RALGAPA2: variants seen among roughly 807,000 people sequenced by gnomAD.
The protein encoded by RALGAPA2 is Ral GTPase activating protein catalytic subunit alpha 2.
Under a neutral mutation model 230.4 loss-of-function variants are expected in RALGAPA2, and 139 were observed. The observed-to-expected ratio is 0.60, with a 90% confidence interval of 0.53 to 0.69. The LOEUF (loss-of-function observed/expected upper bound fraction) is 0.69, where lower values mean the gene tolerates loss of function less well. RALGAPA2 is among the 30% of genes least tolerant of loss of function. The probability of loss-of-function intolerance (pLI) is 0.00; values close to 1 mark genes in which losing one functional copy is unlikely to be tolerated. For missense variants in RALGAPA2, 2,163 were observed against 2,276.0 expected, an observed-to-expected ratio of 0.95 and a Z score of 1.01; for synonymous variants, 847 against 837.8, an observed-to-expected ratio of 1.01 and a Z score of -0.19.
chr20:20,624,292 A>T (rs967250167), intron 10 of RALGAPA2, among the ~76,000 whole-genome samples: 2 of 144,462 alleles, frequency 1.4e-5, no homozygotes, highest in Non-Finnish European at 3.0e-5. Flanking sequence ...GCACCACTGC[A>T]CTCCAGCCTG....
In RALGAPA2 at chr20:20,629,420, C is replaced by T. The variant is rs766761769; in HGVS notation, c.1176G>A (p.Gln392=). ...EEHRMVYEMV[Q]RILLSTRGYV... is the part of the protein sequence containing the mutation. ...AACCTCGTGTTGACAAGAGAATCCGCTGTACCATTTCATACACCATTCGGT... is the reference window on the plus strand; with the variant it reads ...AACCTCGTGTTGACAAGAGAATCCGTTGTACCATTTCATACACCATTCGGT... Residue 392 remains glutamine (Q), a synonymous_variant, in exon 10 of 40, where the codon CAG becomes CAA. Transcript: ENST00000202677. 1 of 1,613,802 alleles carries T rather than the reference C, an allele frequency of 6.2e-7. No homozygotes were observed. The highest frequency in any genetic ancestry group is 1.1e-5 in the South Asian group (1 of 91,054).
intron 9 of RALGAPA2, among the ~76,000 whole-genome samples, chr20:20,630,226 A>T (rs2066625527): frequency 6.6e-6 from 1 of 152,232 alleles, no homozygotes; most frequent in South Asian, 2.1e-4. Context: ...AAAGCTTAAC[A>T]CTGATTTCTG....
At chr20:20,633,590 C>T (rs1050698322) in intron 9 of RALGAPA2, among the ~76,000 whole-genome samples, 6 of 152,182 alleles carry the variant, frequency 3.9e-5, no homozygotes, top group African/African-American at 7.2e-5. Flanking sequence ...TGGGTTCATG[C>T]CATTCTCCTT....
chr20:20,394,831 A>C (rs2059674639), intron 39 of RALGAPA2, among the ~76,000 whole-genome samples: 1 of 147,930 alleles, frequency 6.8e-6, no homozygotes, highest in African/African-American at 2.5e-5. Flanking sequence ...ATTTAATCCC[A>C]GACAATATTC....
chr20:20,622,448 T>C (rs1197138336), intron 10 of RALGAPA2, among the ~76,000 whole-genome samples: 1 of 152,174 alleles, frequency 6.6e-6, no homozygotes, highest in Non-Finnish European at 1.5e-5. Flanking sequence ...CAGAAAAATC[T>C]TAAAAGCAGC....
intron 37 of RALGAPA2, among the ~76,000 whole-genome samples, chr20:20,416,613 A>G (rs2060170039): frequency 6.6e-6 from 1 of 152,230 alleles, no homozygotes; most frequent in Non-Finnish European, 1.5e-5. Flanking sequence ...CCGCAACGTA[A>G]ACCTGAGTGC....
chr20:20,658,156 G>A (rs1344584083), intron 3 of RALGAPA2, among the ~76,000 whole-genome samples: 1 of 152,138 alleles, frequency 6.6e-6, no homozygotes, highest in Non-Finnish European at 1.5e-5. Flanking sequence ...CACTCAAAAA[G>A]GCTTGGATAT....
chr20:20,481,098 G>A (rs1331429580), intron 36 of RALGAPA2, among the ~76,000 whole-genome samples: 1 of 152,144 alleles, frequency 6.6e-6, no homozygotes, highest in African/African-American at 2.4e-5. Context: ...CATATCCAGG[G>A]ACTCTTCTTG....
intron 1 of RALGAPA2, among the ~76,000 whole-genome samples, chr20:20,700,667 C>T (rs919031600): frequency 2.0e-5 from 3 of 152,172 alleles, no homozygotes; most frequent in Admixed American, 6.5e-5. Flanking sequence ...CTCTTTCCCC[C>T]GAACCCCATC....
At chr20:20,548,513 T>C (rs1288996796) in intron 23 of RALGAPA2, among the ~76,000 whole-genome samples, 1 of 152,156 alleles carries the variant, frequency 6.6e-6, no homozygotes, top group African/African-American at 2.4e-5. Context: ...CAGCAGACTT[T>C]TTTCCTACAT....
intron 33 of RALGAPA2, among the ~76,000 whole-genome samples, chr20:20,506,550 T>C (rs1243864050): frequency 2.6e-5 from 4 of 152,212 alleles, no homozygotes; most frequent in Admixed American, 6.5e-5. Flanking sequence ...AGTTTTGGTT[T>C]TTTTAAAGTT....
At chr20:20,439,682 A>T (rs530501220) in intron 37 of RALGAPA2, among the ~76,000 whole-genome samples, 16 of 152,336 alleles carry the variant, frequency 1.1e-4, no homozygotes, top group African/African-American at 3.8e-4. Flanking sequence ...AGTCCCTCTG[A>T]ATCCACAGCT....
intron 4 of RALGAPA2, among the ~76,000 whole-genome samples, chr20:20,650,396 C>G (rs958145462): frequency 2.0e-5 from 3 of 152,166 alleles, no homozygotes; most frequent in African/African-American, 7.2e-5. Context: ...TTTCGAGACT[C>G]ATAGAATACA....
At chr20:20,553,322 C>T (rs1013209689) in intron 23 of RALGAPA2, among the ~76,000 whole-genome samples, 3 of 152,048 alleles carry the variant, frequency 2.0e-5, no homozygotes, top group East Asian at 1.9e-4. Flanking sequence ...GAAGCCAAGG[C>T]GGGAGGATCA....
intron 1 of RALGAPA2, among the ~76,000 whole-genome samples, chr20:20,683,414 G>C (rs998353848): frequency 1.3e-5 from 2 of 152,044 alleles, no homozygotes; most frequent in East Asian, 1.9e-4. Flanking sequence ...TACCATGGCC[G>C]GGCAAGGCCC....
At chr20:20,680,573 C>T in intron 2 of RALGAPA2, 118 bp downstream of exon 2, 1 of 1,353,036 alleles carries the variant, frequency 7.4e-7, no homozygotes, top group Non-Finnish European at 9.6e-7. Flanking sequence ...GCTCTCACAG[C>T]TTTGCTAAAG....
intron 16 of RALGAPA2, among the ~76,000 whole-genome samples, chr20:20,593,414 T>C (rs1250952179): frequency 6.6e-6 from 1 of 152,260 alleles, no homozygotes; most frequent in Non-Finnish European, 1.5e-5. Flanking sequence ...CATCCCAAAG[T>C]ACAGACTACG....
At chr20:20,546,912 G>T in intron 23 of RALGAPA2, 80 bp from the exon 24 acceptor site, 1 of 1,375,274 alleles carries the variant, frequency 7.3e-7, no homozygotes, top group South Asian at 1.5e-5. Context: ...TGGTACATAT[G>T]ACCACTGTAT....
intron 36 of RALGAPA2, among the ~76,000 whole-genome samples, chr20:20,482,892 C>T (rs991208764): frequency 1.3e-5 from 2 of 152,118 alleles, no homozygotes; most frequent in African/African-American, 4.8e-5. Context: ...GATGAAATGC[C>T]CTGCAGAAAT....
Sources: allele counts gnomAD v4.1 joint callset (sites outside exome capture counted in the v4.1 genomes callset), GRCh38; gene constraint gnomAD v4.1.1; transcripts MANE v1.5; gene names NCBI Gene and HGNC (gene_info 2026-07-23, HGNC 2026-07-21).